Variants in PCDHA3 observed in about 807,000 individuals in gnomAD.
The protein encoded by PCDHA3 is protocadherin alpha 3.
Under a neutral mutation model 62.2 loss-of-function variants are expected in PCDHA3, and 41 were observed. The ratio of observed to expected loss-of-function variants is 0.66; its 90% confidence interval spans 0.51 to 0.86. The LOEUF is 0.86. Among genes scored for constraint, PCDHA3 ranks in the 40% least tolerant of loss-of-function variants. The pLI is 0.00. For missense variants in PCDHA3, 1,304 were observed against 1,241.2 expected (o/e 1.05, Z -0.76); for synonymous variants, 640 against 555.4 (o/e 1.15, Z -2.14).
chr5:140,923,189 C>T (rs1452451112), intron 1 of PCDHA3, among the ~76,000 whole-genome samples: 4 of 152,092 alleles, frequency 2.6e-5, no homozygotes, highest in Admixed American at 6.5e-5. Context: ...GCATCTACTG[C>T]AGCAATTTGG....
rs571215806 is a variant in PCDHA3, at chr5:140,940,454, G to T, written c.2395-38495G>T. Among the ~76,000 whole-genome samples, 18 of 151,694 alleles carry T rather than the reference G, an allele frequency of 1.2e-4. No homozygotes were observed. The East Asian group carries it at 3.3e-3, about 28-fold the overall frequency. On this transcript the variant is annotated intron_variant, in intron 1 of 3. Coordinates refer to ENST00000522353, the MANE Select transcript of PCDHA3 (RefSeq NM_018906.3). ...AAGTCTGCCATGATATTTTTTATAGGTTTCTGTTCCCTGCAATTTTTTTTT... is the reference window on the plus strand; with the variant it reads ...AAGTCTGCCATGATATTTTTTATAGTTTTCTGTTCCCTGCAATTTTTTTTT...
intron 1 of PCDHA3, chr5:140,821,650 T>G: frequency 9.2e-7 from 1 of 1,090,350 alleles, no homozygotes; most frequent in Non-Finnish European, 1.3e-6. Context: ...AACCTTCCAT[T>G]TTTGGCTGTG....
Position 140,921,480 on chromosome 5 carries a change from A to G in PCDHA3, c.2395-57469A>G, listed in dbSNP as rs201609452. On this transcript the variant is annotated intron_variant, in intron 1 of 3. Coordinates refer to ENST00000522353, the MANE Select transcript of PCDHA3 (RefSeq NM_018906.3). ...CCTGCAACCACTACCAAACCACTCT[A>G]CCTGAGATTAGTTTATTAGATAGTG... 4.8e-4 allele frequency among the ~76,000 whole-genome samples: 73 copies of G among 152,306 alleles called. No homozygotes were observed. In the East Asian group the frequency reaches 0.011, roughly 22 times the overall value.
At chr5:140,856,867 C>A (rs1554149232) in intron 1 of PCDHA3, 1 of 1,595,186 alleles carries the variant, frequency 6.3e-7, no homozygotes. Context: ...AAGGAATAAA[C>A]AAGGAAATGA....
chr5:140,869,288 G>A lies in PCDHA3; in HGVS notation c.2394+65697G>A, dbSNP rs950790626. 6.2e-6 allele frequency: 10 copies of A among 1,613,460 alleles called. No individual in the cohort carries two copies. The highest frequency in any genetic ancestry group is 1.7e-5 in the Admixed American group (1 of 59,996). On this transcript the variant is annotated intron_variant, in intron 1 of 3. Coordinates refer to ENST00000522353, the MANE Select transcript of PCDHA3 (RefSeq NM_018906.3). ...CTGGAGCTGGCGGAGCTGGTGCAGC[G>A]CCTGTTCCGGGTGGCGTCCAAAACA...
intron 1 of PCDHA3, among the ~76,000 whole-genome samples, chr5:140,954,933 CTT>C (rs2095111807): frequency 6.6e-6 from 1 of 152,044 alleles, no homozygotes; most frequent in East Asian, 1.9e-4. Flanking sequence ...TTTAATTAAT[CTT>C]GAGTTAATTT....
chr5:140,884,244 T>C, intron 1 of PCDHA3: 1 of 1,613,386 alleles, frequency 6.2e-7, no homozygotes, highest in Non-Finnish European at 8.5e-7. Flanking sequence ...GAGCCCGCGC[T>C]GACGGCCACG....
At chr5:140,966,741 G>T in intron 1 of PCDHA3, 1 of 1,421,322 alleles carries the variant, frequency 7.0e-7, no homozygotes, top group Non-Finnish European at 9.1e-7. Flanking sequence ...GGCCCTGCCC[G>T]GCTGCCTCCG....
At chr5:140,829,950 T>A in intron 1 of PCDHA3, 1 of 1,613,960 alleles carries the variant, frequency 6.2e-7, no homozygotes, top group Non-Finnish European at 8.5e-7. Context: ...AGCGCTCGCT[T>A]CCCGTTTCGC....
intron 3 of PCDHA3, among the ~76,000 whole-genome samples, chr5:140,999,590 C>T (rs951986017): frequency 3.3e-5 from 5 of 152,132 alleles, no homozygotes; most frequent in Non-Finnish European, 7.3e-5. Context: ...AAATTGCCTT[C>T]CCTACATCCT....
At chr5:140,888,128 T>C (rs1365856723) in intron 1 of PCDHA3, among the ~76,000 whole-genome samples, 1 of 152,248 alleles carries the variant, frequency 6.6e-6, no homozygotes, top group Non-Finnish European at 1.5e-5. Flanking sequence ...TCTATGGATA[T>C]ATTTTCTTGC....
intron 1 of PCDHA3, chr5:140,854,759 A>G (rs2043218942): frequency 6.7e-6 from 1 of 149,714 alleles, no homozygotes. Context: ...TTACATTTTC[A>G]TTCCTGAATA....
Position 140,884,220 on chromosome 5 carries a change from T to G in PCDHA3, c.2394+80629T>G, listed in dbSNP as rs1469726535. 4 of 1,613,408 alleles carry G rather than the reference T, an allele frequency of 2.5e-6. No homozygotes were observed. The highest frequency in any genetic ancestry group is 3.4e-6 in the Non-Finnish European group (4 of 1,179,728). On this transcript the variant is annotated intron_variant, in intron 1 of 3. Transcript: ENST00000522353. ...CCGCACCACCGCCTTCTGGTGCTGG[T>G]GAAGGACCACGGTGAGCCCGCGCTG...
chr5:140,903,434 A>T (rs1372993909), intron 1 of PCDHA3, among the ~76,000 whole-genome samples: 1 of 152,226 alleles, frequency 6.6e-6, no homozygotes, highest in Non-Finnish European at 1.5e-5. Context: ...AATATGTATC[A>T]GTGGAATTCA....
chr5:140,937,544 G>A (rs1584916814), intron 1 of PCDHA3, among the ~76,000 whole-genome samples: 1 of 151,510 alleles, frequency 6.6e-6, no homozygotes, highest in South Asian at 2.1e-4. Flanking sequence ...TTGAACCTGC[G>A]AGGCAGAGGT....
chr5:140,805,015 G>T (rs1554123180), intron 1 of PCDHA3: 1 of 1,560,672 alleles, frequency 6.4e-7, no homozygotes, highest in African/African-American at 1.3e-5. Context: ...TCTGTTATCA[G>T]CTTCTTGAAT....
intron 1 of PCDHA3, among the ~76,000 whole-genome samples, chr5:140,975,052 T>C (rs2096651440): frequency 6.6e-6 from 1 of 152,206 alleles, no homozygotes; most frequent in South Asian, 2.1e-4. Context: ...AGGAAGAATC[T>C]ACTATCGAGC....
At chr5:140,837,754 G>A (rs2150279444) in intron 1 of PCDHA3, among the ~76,000 whole-genome samples, 1 of 151,678 alleles carries the variant, frequency 6.6e-6, no homozygotes, top group Middle Eastern at 3.4e-3. Context: ...ATAGCCCACT[G>A]CAACCTGAAA....
At chr5:140,986,102 C>T (rs782067384) in intron 3 of PCDHA3, among the ~76,000 whole-genome samples, 14 of 152,102 alleles carry the variant, frequency 9.2e-5, no homozygotes, top group Non-Finnish European at 1.5e-5. Flanking sequence ...CTGCAAAAGC[C>T]TAAGATAAAG....
Sources: gnomAD v4.1 joint callset for allele counts (sites outside exome capture counted in the v4.1 genomes callset) on GRCh38, gnomAD v4.1.1 for gene constraint, MANE v1.5 for transcripts, NCBI Gene and HGNC (gene_info 2026-07-23, HGNC 2026-07-21) for gene names.